PCDHGA3: variants seen among roughly 807,000 people sequenced by gnomAD.
PCDHGA3 encodes protocadherin gamma-A3.
In PCDHGA3, 40 loss-of-function variants were observed where a neutral mutation model predicts 58.5. The ratio of observed to expected loss-of-function variants is 0.68; its 90% CI spans 0.53 to 0.89. PCDHGA3 has a LOEUF of 0.89. Among genes scored for constraint, PCDHGA3 ranks in the 40% least tolerant of loss-of-function variants. PCDHGA3 has a pLI of 0.00. For missense variants in PCDHGA3, 1,223 were observed against 1,195.9 expected (o/e 1.02, Z -0.33); for synonymous variants, 530 against 525.7 (o/e 1.01, Z -0.11).
intron 1 of PCDHGA3, chr5:141,426,927 A>G (rs1480193041): frequency 2.2e-6 from 1 of 456,634 alleles, no homozygotes; most frequent in African/African-American, 2.0e-5. Flanking sequence ...AGCAATGGAC[A>G]TGGGTGACCC....
intron 1 of PCDHGA3, chr5:141,410,195 G>T (rs769655902): frequency 1.2e-6 from 2 of 1,613,966 alleles, no homozygotes; most frequent in East Asian, 4.5e-5. Context: ...TCTGGTCTTC[G>T]CAGACAACTT....
intron 1 of PCDHGA3, chr5:141,420,357 C>A: frequency 7.3e-7 from 1 of 1,376,278 alleles, no homozygotes; most frequent in East Asian, 2.6e-5. Flanking sequence ...TTTTAAGATT[C>A]TAGATAACTT....
chr5:141,354,144 A>T (rs1198413600), intron 1 of PCDHGA3, among the ~76,000 whole-genome samples: 1 of 152,216 alleles, frequency 6.6e-6, no homozygotes, highest in Non-Finnish European at 1.5e-5. Context: ...ATAATACTGA[A>T]TGTGTCATGT....
intron 1 of PCDHGA3, chr5:141,389,172 C>T: frequency 3.1e-6 from 5 of 1,614,036 alleles, no homozygotes; most frequent in Non-Finnish European, 4.2e-6. Context: ...CAAGCCTCCC[C>T]TCTCCTCCAG....
At chr5:141,380,295 A>G (rs956041839) in intron 1 of PCDHGA3, among the ~76,000 whole-genome samples, 2 of 152,172 alleles carry the variant, frequency 1.3e-5, no homozygotes, top group African/African-American at 2.4e-5. Flanking sequence ...GAAGATACCT[A>G]TATCTTTGCT....
rs764434052 is a variant in PCDHGA3, at chr5:141,431,792, C to T, written c.2425-63015C>T. ...TGTTCTGGACGTGAACGACAATGCC[C>T]CAGAAGTGGTCCTCACCTCTCTCGC... is the stretch of plus-strand genomic sequence containing the variant. On this transcript the variant is annotated intron_variant, in intron 1 of 3. Transcript: ENST00000253812. This position sits in a 1 kb window ranked among gnomAD's most constrained non-coding sequence, Gnocchi z 4.8. The T allele has an allele frequency of 3.7e-6, 6 of 1,614,234 alleles. No homozygotes were observed. The South Asian group carries it at 6.6e-5, about 18-fold the overall frequency.
intron 1 of PCDHGA3, chr5:141,357,697 T>C (rs1433075291): frequency 2.0e-6 from 3 of 1,523,702 alleles, no homozygotes; most frequent in East Asian, 2.3e-5. Context: ...TCATTTTATA[T>C]GTAATATATC....
In PCDHGA3 at chr5:141,438,615, TATATATATATATATATATATACAC is replaced by T. The variant is rs1230398483; in HGVS notation, c.2425-56190_2425-56167del. ...ACATATATATATATATATATATATA[TATATATATATATATATATATACAC>T]ACACACACACACATATATGTATATA... is the stretch of plus-strand genomic sequence containing the variant. On this transcript the variant is annotated intron_variant, in intron 1 of 3. Transcript: ENST00000253812. Among the ~76,000 whole-genome samples the T allele has an allele frequency of 3.0e-3, 107 of 35,910 alleles. 2 individuals carry two copies. The highest frequency in any genetic ancestry group is 7.9e-3 in the African/African-American group (39 of 4,916). The allele number at this position is 35,910 out of a possible 152,430, so 23.6% of individuals were successfully genotyped here. A position where few individuals can be genotyped will look rare whatever the true frequency, so the allele number is the denominator to read the frequency against.
intron 1 of PCDHGA3, chr5:141,364,342 A>G: frequency 6.5e-7 from 1 of 1,540,308 alleles, no homozygotes; most frequent in Non-Finnish European, 8.7e-7. Flanking sequence ...TGGCGAGTCC[A>G]CCTAGGGGCT....
chr5:141,358,072 C>T (rs1434661708), intron 1 of PCDHGA3, among the ~76,000 whole-genome samples: 2 of 152,178 alleles, frequency 1.3e-5, no homozygotes, highest in Non-Finnish European at 2.9e-5. Context: ...TGCCCGTAGT[C>T]CCAGCTACCC....
At chr5:141,358,963 C>A (rs938791914) in intron 1 of PCDHGA3, among the ~76,000 whole-genome samples, 1 of 152,156 alleles carries the variant, frequency 6.6e-6, no homozygotes, top group Admixed American at 6.5e-5. Context: ...CATTTAGGTT[C>A]TGTGAGAATT....
chr5:141,385,024 C>T lies in PCDHGA3; in HGVS notation c.2424+38567C>T, dbSNP rs756021455. 5.6e-6 allele frequency: 9 copies of T among 1,614,158 alleles called. No individual in the cohort carries two copies. In the East Asian group the frequency reaches 1.1e-4, roughly 20 times the overall value. ...CTCCTGCGTCTTCCTAGCCTTCGTC[C>T]TCGTACTGCTGGCGCTCAGGCTGCG... On this transcript the variant is annotated intron_variant, in intron 1 of 3. Coordinates refer to ENST00000253812, the MANE Select transcript of PCDHGA3 (RefSeq NM_018916.4).
At chr5:141,360,831 C>T (rs1179144705) in intron 1 of PCDHGA3, 1 of 1,613,838 alleles carries the variant, frequency 6.2e-7, no homozygotes. Flanking sequence ...GAATCAAAGT[C>T]ACGGATGCCA....
At chr5:141,474,803 T>C (rs1383027398) in intron 1 of PCDHGA3, among the ~76,000 whole-genome samples, 1 of 152,250 alleles carries the variant, frequency 6.6e-6, no homozygotes, top group Non-Finnish European at 1.5e-5. Context: ...ATGGAGTGGT[T>C]TGCATCATTA....
chr5:141,345,509 C>T lies in PCDHGA3; in HGVS notation c.1476C>T (p.Thr492=), dbSNP rs753266989. 13 of 1,614,138 alleles carry T rather than the reference C, an allele frequency of 8.1e-6. No homozygotes were observed. In the South Asian group the frequency reaches 1.2e-4, roughly 15 times the overall value. ...ACGCCCGCATCACTTATGCATTGAC[C>T]GAGGACACTCTCCAGGGGGCGCCCC... ...NNNARITYAL[T]EDTLQGAPLS... is the part of the protein sequence containing the mutation. Residue 492 remains threonine (T), a synonymous_variant, in exon 1 of 4, where the codon ACC becomes ACT. Coordinates refer to ENST00000253812, the MANE Select transcript of PCDHGA3 (RefSeq NM_018916.4).
intron 2 of PCDHGA3, among the ~76,000 whole-genome samples, chr5:141,503,202 C>G (rs1562210201): frequency 6.6e-6 from 1 of 152,090 alleles, no homozygotes; most frequent in East Asian, 1.9e-4. Context: ...ATCAGCCTCT[C>G]AGTGCCCACC....
intron 1 of PCDHGA3, chr5:141,404,757 C>T (rs759444247): frequency 3.1e-6 from 5 of 1,613,918 alleles, no homozygotes; most frequent in Non-Finnish European, 4.2e-6. Flanking sequence ...GGCCAGAATG[C>T]TTGGCTCTCC....
At chr5:141,393,914 C>T (rs765664879) in intron 1 of PCDHGA3, 2 of 1,613,932 alleles carry the variant, frequency 1.2e-6, no homozygotes, top group South Asian at 2.2e-5. Flanking sequence ...CAGTAATTGC[C>T]TTCTTGAGTG....
chr5:141,370,407 T>C lies in PCDHGA3; in HGVS notation c.2424+23950T>C. 4 of 1,561,028 alleles carry C rather than the reference T, an allele frequency of 2.6e-6. No individual in the cohort carries two copies. The Admixed American group carries it at 5.9e-5, about 23-fold the overall frequency. ...CGCAGAGAGCGGGATGGGAAATAGCTCCGGATGGAGGGGCCCAGCAGGGCA... is the reference window on the plus strand; with the variant it reads ...CGCAGAGAGCGGGATGGGAAATAGCCCCGGATGGAGGGGCCCAGCAGGGCA... On this transcript the variant is annotated intron_variant, in intron 1 of 3. Transcript: ENST00000253812.
Sources: allele counts gnomAD v4.1 joint callset (sites outside exome capture counted in the v4.1 genomes callset), GRCh38; gene constraint gnomAD v4.1.1; non-coding constraint Gnocchi (gnomAD v3.1); transcripts MANE v1.5; gene names NCBI Gene and HGNC (gene_info 2026-07-23, HGNC 2026-07-21).